Variants in FBXW7 observed in about 807,000 individuals in gnomAD.
FBXW7 encodes the protein F-box/WD repeat-containing protein 7.
In FBXW7, 11 loss-of-function variants were observed where a neutral mutation model predicts 86.3. The observed-to-expected ratio is 0.13, with a 90% CI of 0.08 to 0.21. The LOEUF (loss-of-function observed/expected upper bound fraction) is 0.21, where lower values mean the gene tolerates loss of function less well. Among genes scored for constraint, FBXW7 ranks in the 10% least tolerant of loss-of-function variants. The pLI is 1.00. For synonymous variants in FBXW7, 313 were observed against 297.9 expected, an observed-to-expected ratio of 1.05 and a Z score of -0.52; for missense variants, 488 against 847.4, an observed-to-expected ratio of 0.58 and a Z score of 5.27.
intron 11 of FBXW7, among the ~76,000 whole-genome samples, chr4:152,327,942 G>C (rs1461338793): frequency 2.0e-5 from 3 of 151,842 alleles, no homozygotes; most frequent in African/African-American, 7.3e-5. Flanking sequence ...CAAAGATACA[G>C]AACAACAAAA....
chr4:152,332,432 G>GT, intron 8 of FBXW7, among the ~76,000 whole-genome samples, 164 bp downstream of exon 8: 1 of 152,230 alleles, frequency 6.6e-6, no homozygotes, highest in South Asian at 2.1e-4. Flanking sequence ...TATATTGCTT[G>GT]TTAAAGGGGT....
chr4:152,414,358 G>A (rs767515226), intron 2 of FBXW7, among the ~76,000 whole-genome samples: 1 of 152,018 alleles, frequency 6.6e-6, no homozygotes, highest in Non-Finnish European at 1.5e-5. Context: ...CCATGAAAAT[G>A]ACACTTGTTC....
intron 2 of FBXW7, among the ~76,000 whole-genome samples, chr4:152,435,138 C>A (rs939694974): frequency 6.6e-6 from 1 of 151,006 alleles, no homozygotes; most frequent in Non-Finnish European, 1.5e-5. Context: ...CTACCAAACA[C>A]GTAAGTATGC....
At chr4:152,502,060 T>TA (rs1049246693) in intron 2 of FBXW7, among the ~76,000 whole-genome samples, 3 of 152,186 alleles carry the variant, frequency 2.0e-5, no homozygotes, top group African/African-American at 7.2e-5. Flanking sequence ...AAAATGACTG[T>TA]AATCTCTAGT....
At chr4:152,346,707 A>G (rs947353807) in intron 6 of FBXW7, 3 of 497,076 alleles carry the variant, frequency 6.0e-6, no homozygotes, top group Non-Finnish European at 1.0e-5. Flanking sequence ...GCAACCATTA[A>G]TCTACTTTCT....
At position 152,372,053 on chromosome 4, in the gene FBXW7, G is replaced by A. The variant is rs575381801; in HGVS notation, c.502-21929C>T. On this transcript the variant is annotated intron_variant, in intron 4 of 13. Coordinates refer to ENST00000281708, the MANE Select transcript of FBXW7 (RefSeq NM_001349798.2). ...ATACTGGGACAATTAAAAAAAATGT[G>A]GTTGAGGTTCTCTACACTCATTTAA... 7.2e-5 allele frequency among the ~76,000 whole-genome samples: 11 copies of A among 151,918 alleles called. No homozygotes were observed. The South Asian group carries it at 2.1e-3, about 29-fold the overall frequency.
At position 152,322,704 on chromosome 4, in the gene FBXW7, C is replaced by T. The variant is rs537262461; in HGVS notation, c.*177G>A. On this transcript the variant is annotated 3_prime_UTR_variant, in exon 14 of 14. Transcript: ENST00000281708. Reference sequence around the variant, plus strand: ...TCTCTTGTCAGTTATGGTTTGTCATCTCTTCTTCTTTTCCTTCTTAGTCTG... The same window carrying T: ...TCTCTTGTCAGTTATGGTTTGTCATTTCTTCTTCTTTTCCTTCTTAGTCTG... The T allele has an allele frequency of 9.5e-7, 1 of 1,058,070 alleles. No individual in the cohort carries two copies. The allele number at this position is 1,058,070 out of a possible 1,614,324, so 65.5% of individuals were successfully genotyped here.
At position 152,322,868 on chromosome 4, in the gene FBXW7, T is replaced by C. The variant is rs751636201; in HGVS notation, c.*13A>G. The C allele has an allele frequency of 3.1e-6, 5 of 1,612,522 alleles. No homozygotes were observed. Among genetic ancestry groups the C allele is most frequent in the African/African-American group, 2.7e-5 (2 of 74,836 alleles). On this transcript the variant is annotated 3_prime_UTR_variant, in exon 14 of 14. Coordinates refer to ENST00000281708, the MANE Select transcript of FBXW7 (RefSeq NM_001349798.2). ...TCGTCTACACAATTGGACAAATTCA[T>C]CTTTTCTGCTCTTCACTTCATGTCC...
At chr4:152,366,578 G>A (rs1366407607) in intron 4 of FBXW7, among the ~76,000 whole-genome samples, 2 of 152,158 alleles carry the variant, frequency 1.3e-5, no homozygotes, top group African/African-American at 2.4e-5. Context: ...AAACCACAAT[G>A]AGATACCATC....
intron 4 of FBXW7, among the ~76,000 whole-genome samples, chr4:152,394,042 C>G (rs1457284857): frequency 6.6e-6 from 1 of 151,974 alleles, no homozygotes; most frequent in Admixed American, 6.6e-5. Context: ...AAGTTAATAT[C>G]CTATGTCAGA....
Position 152,324,482 on chromosome 4 carries a change from G to A in FBXW7, c.1645-88C>T, listed in dbSNP as rs1178265641. On this transcript the variant is annotated intron_variant, in intron 12 of 13. Coordinates refer to ENST00000281708, the MANE Select transcript of FBXW7 (RefSeq NM_001349798.2). ...TAATCCTAGTAGGAAAGGGGGAAGA[G>A]GATGGGAAACAGGTAATGCCAGGAA... 3.6e-6 allele frequency: 4 copies of A among 1,106,736 alleles called. No individual in the cohort carries two copies. In the African/African-American group the frequency reaches 4.7e-5, roughly 13 times the overall value. The allele number at this position is 1,106,736 out of a possible 1,614,324, so 68.6% of individuals were successfully genotyped here.
intron 2 of FBXW7, among the ~76,000 whole-genome samples, chr4:152,414,258 A>G (rs1292203834): frequency 6.6e-6 from 1 of 152,176 alleles, no homozygotes; most frequent in Non-Finnish European, 1.5e-5. Context: ...AACATTAAAC[A>G]GAACTTCAGG....
chr4:152,341,017 C>T (rs1321309743), intron 6 of FBXW7, among the ~76,000 whole-genome samples: 1 of 152,172 alleles, frequency 6.6e-6, no homozygotes, highest in Non-Finnish European at 1.5e-5. Flanking sequence ...AATATATCCA[C>T]AATCTGACTA....
At chr4:152,518,177 C>T (rs1355866962) in intron 2 of FBXW7, among the ~76,000 whole-genome samples, 2 of 151,958 alleles carry the variant, frequency 1.3e-5, no homozygotes, top group Non-Finnish European at 2.9e-5. Flanking sequence ...TTAGTAGAGA[C>T]AGGGTTTCAC....
chr4:152,447,052 T>A (rs1198267753), intron 2 of FBXW7, among the ~76,000 whole-genome samples: 2 of 152,182 alleles, frequency 1.3e-5, no homozygotes, highest in Non-Finnish European at 2.9e-5. Context: ...GTATCTGAAT[T>A]AAAGGAAATG....
At chr4:152,389,871 A>T (rs1307949222) in intron 4 of FBXW7, among the ~76,000 whole-genome samples, 1 of 152,080 alleles carries the variant, frequency 6.6e-6, no homozygotes, top group Non-Finnish European at 1.5e-5. Flanking sequence ...TAGCTAGTTT[A>T]TAAAATATAT....
At position 152,326,069 on chromosome 4, in the gene FBXW7, A is replaced by G. The variant is rs753448369; in HGVS notation, c.1581T>C (p.Asp527=). Residue 527 remains aspartate, a synonymous_variant, in exon 12 of 14, where the codon GAT becomes GAC. Transcript: ENST00000281708. ...GAYDFMVKVW[D]PETETCLHTL... ...TGTGTAGACAGGTTTCAGTCTCTGG[A>G]TCCCACACCTTTACCATAAAATCAT... 3.1e-6 allele frequency: 5 copies of G among 1,613,272 alleles called. No individual in the cohort carries two copies. The Admixed American group carries it at 8.3e-5, about 27-fold the overall frequency.
intron 2 of FBXW7, among the ~76,000 whole-genome samples, chr4:152,426,156 C>T (rs554639875): frequency 2.0e-5 from 3 of 152,226 alleles, no homozygotes; most frequent in South Asian, 4.2e-4. Flanking sequence ...TAAACTCAAT[C>T]AAGGCTCAAA....
chr4:152,402,791 T>C (rs551156575), intron 4 of FBXW7, among the ~76,000 whole-genome samples: 74 of 152,190 alleles, frequency 4.9e-4, no homozygotes, highest in Non-Finnish European at 9.6e-4. Flanking sequence ...CAGATGAATA[T>C]GGCAGCAATC....
Sources: allele counts gnomAD v4.1 joint callset (sites outside exome capture counted in the v4.1 genomes callset), GRCh38; gene constraint gnomAD v4.1.1; transcripts MANE v1.5; gene names NCBI Gene and HGNC (gene_info 2026-07-23, HGNC 2026-07-21).